Variants in COP1 observed in about 807,000 individuals in gnomAD.
COP1 encodes the protein E3 ubiquitin-protein ligase COP1.
In COP1, 24 loss-of-function variants were observed where a neutral mutation model predicts 101.3. That is an observed-to-expected ratio of 0.24 (90% CI 0.17 to 0.33). The LOEUF (loss-of-function observed/expected upper bound fraction) is 0.33, where lower values mean the gene tolerates loss of function less well. Among genes scored for constraint, COP1 ranks in the 10% least tolerant of loss-of-function variants. The probability of loss-of-function intolerance (pLI) is 1.00; values close to 1 mark genes in which losing one functional copy is unlikely to be tolerated. For missense variants in COP1, 663 were observed against 906.2 expected, an observed-to-expected ratio of 0.73 and a Z score of 3.45; for synonymous variants, 347 against 341.9, an observed-to-expected ratio of 1.01 and a Z score of -0.17.
chr1:176,163,037 T>G, intron 4 of COP1, 49 bp from the exon 5 acceptor site: 1 of 1,553,348 alleles, frequency 6.4e-7, no homozygotes, highest in Non-Finnish European at 8.7e-7. Flanking sequence ...GAAGACTGTT[T>G]TAGAGACTAA....
chr1:176,050,035 CAA>C (rs1187351608), intron 11 of COP1, among the ~76,000 whole-genome samples: 3 of 152,152 alleles, frequency 2.0e-5, no homozygotes, highest in Non-Finnish European at 2.9e-5. Context: ...ATAATTAAAA[CAA>C]GAGATTTATA....
At chr1:176,033,211 A>G (rs1236571736) in intron 14 of COP1, among the ~76,000 whole-genome samples, 1 of 152,138 alleles carries the variant, frequency 6.6e-6, no homozygotes, top group African/African-American at 2.4e-5. Flanking sequence ...CAGGAGTTGG[A>G]GACCAGCCTG....
At chr1:176,065,459 C>T (rs1033358774) in intron 11 of COP1, among the ~76,000 whole-genome samples, 7 of 152,116 alleles carry the variant, frequency 4.6e-5, no homozygotes, top group African/African-American at 1.7e-4. Context: ...AAACACTTGT[C>T]ACCAGATTAA....
chr1:176,164,171 A>G (rs546073891), intron 3 of COP1, among the ~76,000 whole-genome samples: 23 of 152,320 alleles, frequency 1.5e-4, no homozygotes, highest in African/African-American at 5.3e-4. Flanking sequence ...ACTTGCTGAG[A>G]GAGAAATCCT....
chr1:176,157,828 G>A (rs1693703982), intron 5 of COP1, among the ~76,000 whole-genome samples: 1 of 152,062 alleles, frequency 6.6e-6, no homozygotes, highest in South Asian at 2.1e-4. Flanking sequence ...AATCTATATG[G>A]AGCAAAATTG....
chr1:176,125,488 T>C (rs1291830093), intron 8 of COP1, among the ~76,000 whole-genome samples: 1 of 152,210 alleles, frequency 6.6e-6, no homozygotes, highest in East Asian at 1.9e-4. Flanking sequence ...AGAATATCTT[T>C]TCCCCAATTT....
chr1:176,009,795 G>T (rs1281086477), intron 15 of COP1, among the ~76,000 whole-genome samples: 1 of 147,654 alleles, frequency 6.8e-6, no homozygotes, highest in Non-Finnish European at 1.5e-5. Context: ...GGAGACAGGG[G>T]CATATGAAGA....
intron 14 of COP1, among the ~76,000 whole-genome samples, chr1:176,038,083 G>A (rs1420689992): frequency 6.6e-6 from 1 of 152,170 alleles, no homozygotes; most frequent in African/African-American, 2.4e-5. Flanking sequence ...AGTGACTTTA[G>A]CAAGTACATT....
At chr1:175,981,490 T>C (rs1655855723) in intron 18 of COP1, among the ~76,000 whole-genome samples, 1 of 152,164 alleles carries the variant, frequency 6.6e-6, no homozygotes, top group Non-Finnish European at 1.5e-5. Context: ...AGAATGAAGT[T>C]GAGTATCTCA....
At chr1:176,191,158 C>T (rs1699081991) in intron 1 of COP1, among the ~76,000 whole-genome samples, 1 of 151,998 alleles carries the variant, frequency 6.6e-6, no homozygotes, top group South Asian at 2.1e-4. Context: ...ATTACTACAT[C>T]CCAATTTATA....
In COP1 at chr1:176,043,734, T is replaced by C; in HGVS notation, c.1506A>G (p.Thr502=). ...EGTVILWDGF[T]GQRSKVYQEH... ...CCTGATAGACCTTTGACCTCTGTCCTGTGAATCCATCCCATAAAATAACAG... is the reference window on the plus strand; with the variant it reads ...CCTGATAGACCTTTGACCTCTGTCCCGTGAATCCATCCCATAAAATAACAG... Residue 502 remains threonine, a synonymous_variant, in exon 13 of 20, where the codon ACA becomes ACG. Transcript: ENST00000367669. 6.2e-7 allele frequency: 1 copy of C among 1,604,806 alleles called. No individual in the cohort carries two copies. Among genetic ancestry groups the C allele is most frequent in the Non-Finnish European group, 8.5e-7 (1 of 1,171,646 alleles).
intron 11 of COP1, among the ~76,000 whole-genome samples, chr1:176,054,438 A>C (rs1204770520): frequency 6.6e-6 from 1 of 152,206 alleles, no homozygotes; most frequent in Non-Finnish European, 1.5e-5. Flanking sequence ...CTGGGATTAC[A>C]GGAATGACCC....
intron 18 of COP1, among the ~76,000 whole-genome samples, chr1:175,962,754 G>A (rs547370228): frequency 2.0e-5 from 3 of 152,062 alleles, no homozygotes; most frequent in South Asian, 2.1e-4. Context: ...ATCTCTCACC[G>A]CACCTCCCCC....
At chr1:176,025,191 T>C (rs1006372012) in intron 15 of COP1, among the ~76,000 whole-genome samples, 38 of 152,108 alleles carry the variant, frequency 2.5e-4, no homozygotes, top group African/African-American at 8.9e-4. Flanking sequence ...CAAAAGTAGA[T>C]ATTCTAAACA....
intron 11 of COP1, among the ~76,000 whole-genome samples, chr1:176,057,647 C>T (rs1326044063): frequency 3.3e-5 from 5 of 152,158 alleles, no homozygotes; most frequent in Non-Finnish European, 7.4e-5. Context: ...CTCAATGGTG[C>T]CCAGGCTGGA....
chr1:175,985,926 G>A (rs1207368779), intron 18 of COP1, among the ~76,000 whole-genome samples: 1 of 152,020 alleles, frequency 6.6e-6, no homozygotes, highest in Non-Finnish European at 1.5e-5. Context: ...TATCAAGTCA[G>A]AATTTTTTTT....
chr1:176,088,189 C>T (rs1680574886), intron 9 of COP1, among the ~76,000 whole-genome samples: 1 of 151,742 alleles, frequency 6.6e-6, no homozygotes, highest in African/African-American at 2.4e-5. Flanking sequence ...ACCAACACGG[C>T]ACATGTATAC....
In COP1 at chr1:176,102,165, T is replaced by C. The variant is rs149786942; in HGVS notation, c.1026+14459A>G. Among the ~76,000 whole-genome samples the C allele has an allele frequency of 2.6e-3, 399 of 152,190 alleles. 3 individuals carry two copies. Among genetic ancestry groups the C allele is most frequent in the African/African-American group, 9.2e-3 (381 of 41,542 alleles). On this transcript the variant is annotated intron_variant, in intron 9 of 19. Transcript: ENST00000367669. The stretch of plus-strand genomic sequence containing the variant: ...CCATTTGCAGCGGGGAGGAGCCTGG[T>C]CTCTCTTGTCCCTGGGTGGTGACCT...
chr1:176,146,097 G>A (rs905832403), intron 6 of COP1, among the ~76,000 whole-genome samples: 3 of 152,044 alleles, frequency 2.0e-5, no homozygotes, highest in Admixed American at 6.6e-5. Flanking sequence ...TCATCAGAAC[G>A]ATTATATTAC....
Sources: allele counts gnomAD v4.1 joint callset (sites outside exome capture counted in the v4.1 genomes callset), GRCh38; gene constraint gnomAD v4.1.1; transcripts MANE v1.5; gene names NCBI Gene and HGNC (gene_info 2026-07-23, HGNC 2026-07-21).